CTNND2: variants seen among roughly 807,000 people sequenced by gnomAD.
CTNND2 encodes catenin delta 2.
CTNND2 carries 22 observed loss-of-function variants against 144.4 expected under a neutral mutation model. That is an observed-to-expected ratio of 0.15 (90% CI 0.11 to 0.22). The LOEUF (loss-of-function observed/expected upper bound fraction) is 0.22, where lower values mean the gene tolerates loss of function less well. Ranked by LOEUF, CTNND2 falls within the 10% of genes least tolerant of loss-of-function variation. The pLI is 1.00. For synonymous variants in CTNND2, 751 were observed against 695.6 expected, an observed-to-expected ratio of 1.08 and a Z score of -1.25; for missense variants, 1,353 against 1,618.8, an observed-to-expected ratio of 0.84 and a Z score of 2.82.
intron 1 of CTNND2, among the ~76,000 whole-genome samples, chr5:11,833,468 G>A (rs1794015167): frequency 6.6e-6 from 1 of 152,050 alleles, no homozygotes; most frequent in Non-Finnish European, 1.5e-5. Context: ...GGCAGGGAGG[G>A]TACAGGTGGT....
intron 1 of CTNND2, among the ~76,000 whole-genome samples, chr5:11,782,791 T>C (rs1054992931): frequency 2.0e-5 from 3 of 152,244 alleles, no homozygotes; most frequent in African/African-American, 7.2e-5. Flanking sequence ...CTCATCTATA[T>C]GTTGATCTTT....
intron 8 of CTNND2, among the ~76,000 whole-genome samples, chr5:11,350,626 A>G (rs1419920962): frequency 6.6e-6 from 1 of 152,192 alleles, no homozygotes; most frequent in Non-Finnish European, 1.5e-5. Flanking sequence ...ATTTCAAAAT[A>G]TAAAACCTCA....
chr5:11,720,654 T>C (rs938130171), intron 2 of CTNND2, among the ~76,000 whole-genome samples: 2 of 152,292 alleles, frequency 1.3e-5, no homozygotes, highest in Admixed American at 6.5e-5. Flanking sequence ...CCGCGACTCA[T>C]GTTTGGGAGC....
chr5:11,709,808 T>C (rs1397646341), intron 2 of CTNND2, among the ~76,000 whole-genome samples: 1 of 152,204 alleles, frequency 6.6e-6, no homozygotes. Context: ...ATTAAACTAA[T>C]GTTTTCTTAG....
chr5:11,283,720 G>C lies in CTNND2; in HGVS notation c.1629-46897C>G, dbSNP rs148263675. On this transcript the variant is annotated intron_variant, in intron 9 of 21. Transcript: ENST00000304623. The stretch of plus-strand genomic sequence containing the variant: ...AAAAAAAAAAAAGAGAGAGACATGG[G>C]AATCTGTATATTTGGAATTCAAAAT... Among the ~76,000 whole-genome samples the C allele has an allele frequency of 6.4e-3, 882 of 137,302 alleles. 8 individuals carry two copies. Among genetic ancestry groups the C allele is most frequent in the African/African-American group, 0.022 (788 of 36,526 alleles). The allele number at this position is 137,302 out of a possible 152,430, so 90.1% of individuals were successfully genotyped here. A position where few individuals can be genotyped will look rare whatever the true frequency, so the allele number is the denominator to read the frequency against.
At position 11,210,120 on chromosome 5, in the gene CTNND2, A is replaced by G. The variant is rs560472161; in HGVS notation, c.1762-10459T>C. 2.0e-5 allele frequency among the ~76,000 whole-genome samples: 3 copies of G among 152,236 alleles called. No homozygotes were observed. The South Asian group carries it at 6.2e-4, about 32-fold the overall frequency. On this transcript the variant is annotated intron_variant, in intron 10 of 21. Coordinates refer to ENST00000304623, the MANE Select transcript of CTNND2 (RefSeq NM_001332.4). ...TTATAGAGATAATTTAAATAAAGATATAAGATTGGGCGTGGTGGCTCACAT... is the reference window on the plus strand; with the variant it reads ...TTATAGAGATAATTTAAATAAAGATGTAAGATTGGGCGTGGTGGCTCACAT...
chr5:11,641,395 C>CA (rs1781991501), intron 2 of CTNND2, among the ~76,000 whole-genome samples: 1 of 149,284 alleles, frequency 6.7e-6, no homozygotes, highest in Admixed American at 6.6e-5. Flanking sequence ...CTGGAAAAGA[C>CA]ATTTAATCTC....
At chr5:11,498,813 A>G (rs1020974654) in intron 3 of CTNND2, among the ~76,000 whole-genome samples, 1 of 152,220 alleles carries the variant, frequency 6.6e-6, no homozygotes, top group East Asian at 1.9e-4. Context: ...GGTTTTCTAC[A>G]TAGACTCTGG....
Position 10,972,052 on chromosome 5 carries a change from T to A in CTNND2, c.*1401A>T, listed in dbSNP as rs1300813194. 6.6e-6 allele frequency: 1 copy of A among 152,662 alleles called. No homozygotes were observed. Among genetic ancestry groups the A allele is most frequent in the African/African-American group, 2.4e-5 (1 of 41,462 alleles). 9.5% of individuals were successfully genotyped at this position (152,662 alleles called of 1,614,324 possible). A position where few individuals can be genotyped will look rare whatever the true frequency, so the allele number is the denominator to read the frequency against. ...AATCTATTCCATAGTTGTGTACTGCTCCCTGCCACATGAACAAAAAGTTTG... is the reference window on the plus strand; with the variant it reads ...AATCTATTCCATAGTTGTGTACTGCACCCTGCCACATGAACAAAAAGTTTG... On this transcript the variant is annotated 3_prime_UTR_variant, in exon 22 of 22. Coordinates refer to ENST00000304623, the MANE Select transcript of CTNND2 (RefSeq NM_001332.4).
intron 9 of CTNND2, among the ~76,000 whole-genome samples, chr5:11,336,057 T>C (rs937169700): frequency 2.6e-5 from 4 of 152,078 alleles, no homozygotes; most frequent in Non-Finnish European, 4.4e-5. Context: ...TTGCATTGGG[T>C]GTACACCAAG....
chr5:11,500,440 T>C (rs1345575446), intron 3 of CTNND2, among the ~76,000 whole-genome samples: 3 of 152,244 alleles, frequency 2.0e-5, no homozygotes, highest in Non-Finnish European at 4.4e-5. Context: ...GTTCTCTGTA[T>C]TGAAATGGAA....
At chr5:11,472,570 T>C (rs1297204797) in intron 3 of CTNND2, among the ~76,000 whole-genome samples, 1 of 152,174 alleles carries the variant, frequency 6.6e-6, no homozygotes, top group Non-Finnish European at 1.5e-5. Flanking sequence ...TTTTTGTCTT[T>C]TTACTCAATT....
chr5:11,330,323 A>C (rs990123607), intron 9 of CTNND2, among the ~76,000 whole-genome samples: 2 of 148,406 alleles, frequency 1.3e-5, no homozygotes, highest in Non-Finnish European at 3.0e-5. Flanking sequence ...TACAAAAAAA[A>C]AAAAAAAAAA....
chr5:11,524,977 A>C (rs113218886), intron 3 of CTNND2, among the ~76,000 whole-genome samples: 3 of 152,330 alleles, frequency 2.0e-5, no homozygotes, highest in African/African-American at 7.2e-5. Context: ...TTTGTATGAT[A>C]GATTTGACAA....
chr5:11,027,897 T>C (rs1438418092), intron 16 of CTNND2, among the ~76,000 whole-genome samples: 2 of 152,224 alleles, frequency 1.3e-5, no homozygotes, highest in Non-Finnish European at 2.9e-5. Context: ...CTTGCTCTCG[T>C]TGACTGCTTC....
chr5:11,425,853 G>A (rs1431759086), intron 3 of CTNND2, among the ~76,000 whole-genome samples: 1 of 152,062 alleles, frequency 6.6e-6, no homozygotes, highest in African/African-American at 2.4e-5. Flanking sequence ...GGGCTCTCCT[G>A]AGATCTTCCA....
chr5:11,250,487 C>CTATATATATATA (rs1282598853), intron 9 of CTNND2, among the ~76,000 whole-genome samples: 1 of 67,192 alleles, frequency 1.5e-5, no homozygotes, highest in Admixed American at 1.9e-4. Flanking sequence ...CTCTCTCTCT[C>CTATATATATATA]TCTCTATATA....
chr5:11,378,885 G>A lies in CTNND2; in HGVS notation c.1177+5780C>T, dbSNP rs116152656. Among the ~76,000 whole-genome samples the A allele has an allele frequency of 9.6e-3, 1,464 of 152,204 alleles. 35 individuals carry two copies. The highest frequency in any genetic ancestry group is 0.033 in the African/African-American group (1,376 of 41,502). Reference sequence around the variant, plus strand: ...GTAAAGATTCAGCATTTATGTGCACGATCCACTCTAAATACTGAATTTTAT... The same window carrying A: ...GTAAAGATTCAGCATTTATGTGCACAATCCACTCTAAATACTGAATTTTAT... On this transcript the variant is annotated intron_variant, in intron 7 of 21. Transcript: ENST00000304623.
At chr5:11,667,495 A>G (rs1234204242) in intron 2 of CTNND2, among the ~76,000 whole-genome samples, 1 of 151,970 alleles carries the variant, frequency 6.6e-6, no homozygotes, top group Non-Finnish European at 1.5e-5. Flanking sequence ...TGTGGTTTTG[A>G]TTGCATTTCT....
Sources: gnomAD v4.1 joint callset for allele counts (sites outside exome capture counted in the v4.1 genomes callset) on GRCh38, gnomAD v4.1.1 for gene constraint, MANE v1.5 for transcripts, NCBI Gene and HGNC (gene_info 2026-07-23, HGNC 2026-07-21) for gene names.